DGKB: variants seen among roughly 807,000 people sequenced by gnomAD.
DGKB encodes diacylglycerol kinase beta.
A neutral mutation model predicts 114.3 loss-of-function variants in DGKB; 67 were observed. The ratio of observed to expected loss-of-function variants is 0.59; its 90% CI spans 0.48 to 0.72. The LOEUF (loss-of-function observed/expected upper bound fraction) is 0.72. Among genes scored for constraint, DGKB ranks in the 30% least tolerant of loss-of-function variants. The probability of loss-of-function intolerance (pLI) is 0.00; values close to 1 mark genes in which losing one functional copy is unlikely to be tolerated. For missense variants in DGKB, 907 were observed against 975.2 expected (o/e 0.93, Z 0.93); for synonymous variants, 398 against 323.1 (o/e 1.23, Z -2.49).
intron 23 of DGKB, among the ~76,000 whole-genome samples, chr7:14,280,929 A>G (rs1403501393): frequency 1.3e-5 from 2 of 152,054 alleles, no homozygotes; most frequent in African/African-American, 2.4e-5. Flanking sequence ...AAGACCATCG[A>G]GACTAGGAAG....
Position 14,151,326 on chromosome 7 carries a change from A to G in DGKB, c.2305-2088T>C, listed in dbSNP as rs758578584. Among the ~76,000 whole-genome samples the G allele has an allele frequency of 2.6e-5, 4 of 152,100 alleles. No individual in the cohort carries two copies. The East Asian group carries it at 7.7e-4, about 29-fold the overall frequency. ...TATATCTTCCTAGCCATTTATATAT[A>G]TATGTTAGTATCAATTTATGACAAA... On this transcript the variant is annotated intron_variant, in intron 25 of 25. Coordinates refer to ENST00000402815, the MANE Select transcript of DGKB (RefSeq NM_001350709.2).
intron 21 of DGKB, among the ~76,000 whole-genome samples, chr7:14,448,828 T>C (rs942872468): frequency 6.6e-6 from 1 of 152,072 alleles, no homozygotes; most frequent in Non-Finnish European, 1.5e-5. Context: ...TTATTAACTA[T>C]TACACTATCA....
chr7:14,280,765 T>G (rs374004859), intron 23 of DGKB, among the ~76,000 whole-genome samples: 406 of 148,370 alleles, frequency 2.7e-3, no homozygotes, highest in African/African-American at 9.6e-3. Flanking sequence ...AAACTAAGCT[T>G]CATAAGTGAA....
chr7:14,537,574 G>C (rs536484858), intron 20 of DGKB, among the ~76,000 whole-genome samples: 1 of 152,184 alleles, frequency 6.6e-6, no homozygotes, highest in African/African-American at 2.4e-5. Flanking sequence ...TGTAAAATTA[G>C]ATATCCCCCT....
chr7:14,815,327 A>G (rs772288331), intron 2 of DGKB: 1 of 152,184 alleles, frequency 6.6e-6, no homozygotes, highest in African/African-American at 2.4e-5. Flanking sequence ...TGCTCATCCT[A>G]AATTAGTAGA....
chr7:14,361,806 G>T (rs1385734084), intron 21 of DGKB, among the ~76,000 whole-genome samples: 1 of 151,854 alleles, frequency 6.6e-6, no homozygotes, highest in East Asian at 1.9e-4. Flanking sequence ...ATTTTTACAA[G>T]ATAAAACTTG....
At chr7:14,295,894 C>T (rs1802463785) in intron 23 of DGKB, among the ~76,000 whole-genome samples, 1 of 151,994 alleles carries the variant, frequency 6.6e-6, no homozygotes, top group Non-Finnish European at 1.5e-5. Flanking sequence ...GTGTGATATT[C>T]CCCTCCCTGT....
chr7:14,806,112 T>C (rs2128063983), intron 2 of DGKB, among the ~76,000 whole-genome samples: 1 of 152,074 alleles, frequency 6.6e-6, no homozygotes, highest in African/African-American at 2.4e-5. Context: ...TAAAATTCTT[T>C]GCTTCCCGCG....
At chr7:14,910,165 T>C (rs1587362215) in intron 1 of DGKB, among the ~76,000 whole-genome samples, 2 of 151,152 alleles carry the variant, frequency 1.3e-5, no homozygotes, top group African/African-American at 4.9e-5. Context: ...TGCTTGAACC[T>C]GGGAGGCAGA....
At chr7:14,638,652 G>A (rs1811184309) in intron 13 of DGKB, among the ~76,000 whole-genome samples, 1 of 152,142 alleles carries the variant, frequency 6.6e-6, no homozygotes, top group Non-Finnish European at 1.5e-5. Context: ...GCTAGTCAAT[G>A]AGCATAAGGG....
chr7:14,945,604 C>T (rs1329205339), intron 1 of DGKB, among the ~76,000 whole-genome samples: 1 of 151,588 alleles, frequency 6.6e-6, no homozygotes, highest in Non-Finnish European at 1.5e-5. Flanking sequence ...CAGGCACACG[C>T]ACAAGTACAA....
At chr7:14,736,489 G>C (rs1053489478) in intron 4 of DGKB, among the ~76,000 whole-genome samples, 3 of 152,010 alleles carry the variant, frequency 2.0e-5, no homozygotes, top group Admixed American at 6.6e-5. Context: ...TTGAAACTTA[G>C]TTTGCTCCTC....
At chr7:14,736,303 T>C in intron 4 of DGKB, 109 bp from the exon 5 acceptor site, 2 of 662,478 alleles carry the variant, frequency 3.0e-6, no homozygotes, top group Non-Finnish European at 4.9e-6. Context: ...CATTTTTATA[T>C]CCAAGTTTAA....
intron 20 of DGKB, among the ~76,000 whole-genome samples, chr7:14,546,065 T>A (rs772921446): frequency 2.0e-5 from 3 of 152,170 alleles, no homozygotes; most frequent in Non-Finnish European, 4.4e-5. Flanking sequence ...TCTCCAATAA[T>A]CTGGTTTTTC....
intron 17 of DGKB, among the ~76,000 whole-genome samples, chr7:14,591,179 C>A (rs527826098): frequency 6.6e-6 from 1 of 152,196 alleles, no homozygotes; most frequent in South Asian, 2.1e-4. Flanking sequence ...CATTACAGGT[C>A]ATCCTTCCAA....
chr7:14,380,831 C>T (rs183657821), intron 21 of DGKB, among the ~76,000 whole-genome samples: 2 of 152,276 alleles, frequency 1.3e-5, no homozygotes, highest in East Asian at 1.9e-4. Context: ...TTTAATTCTA[C>T]AGACATTGCG....
At chr7:14,304,306 C>A (rs1176509590) in intron 23 of DGKB, among the ~76,000 whole-genome samples, 1 of 151,918 alleles carries the variant, frequency 6.6e-6, no homozygotes, top group East Asian at 1.9e-4. Flanking sequence ...CATCATTACA[C>A]CCAGTTAATG....
At chr7:14,477,642 G>A (rs1782382276) in intron 21 of DGKB, among the ~76,000 whole-genome samples, 1 of 152,090 alleles carries the variant, frequency 6.6e-6, no homozygotes, top group Non-Finnish European at 1.5e-5. Context: ...TATGAGGAAA[G>A]AAATTTTGTT....
At chr7:14,664,504 A>C (rs1817685349) in intron 13 of DGKB, among the ~76,000 whole-genome samples, 1 of 152,006 alleles carries the variant, frequency 6.6e-6, no homozygotes, top group Non-Finnish European at 1.5e-5. Context: ...CCAGGAAGCC[A>C]TTATCTTGGA....
Sources: gnomAD v4.1 joint callset for allele counts (sites outside exome capture counted in the v4.1 genomes callset) on GRCh38, gnomAD v4.1.1 for gene constraint, MANE v1.5 for transcripts, NCBI Gene and HGNC (gene_info 2026-07-23, HGNC 2026-07-21) for gene names.